The following BRSK2 variants were observed in gnomAD, a reference collection of about 807,000 sequenced individuals.
BRSK2 encodes the protein BR serine/threonine kinase 2, also known as serine/threonine-protein kinase BRSK2.
In BRSK2, 19 loss-of-function variants were observed where a neutral mutation model predicts 83.3. The ratio of observed to expected loss-of-function variants is 0.23; its 90% CI spans 0.16 to 0.33. The LOEUF (loss-of-function observed/expected upper bound fraction) is 0.33. Among genes scored for constraint, BRSK2 ranks in the 10% least tolerant of loss-of-function variants. The probability of loss-of-function intolerance (pLI) is 1.00; values close to 1 mark genes in which losing one functional copy is unlikely to be tolerated. For synonymous variants in BRSK2, 519 were observed against 435.4 expected (o/e 1.19, Z -2.39); for missense variants, 798 against 1,042.3 (o/e 0.77, Z 3.23).
intron 4 of BRSK2, 80 bp from the exon 5 acceptor site, chr11:1,442,410 T>C (rs1485674264): frequency 6.4e-6 from 7 of 1,087,478 alleles, no homozygotes; most frequent in Non-Finnish European, 9.8e-6. Context: ...GGCAGTGGGC[T>C]CTGGGCAGGG....
chr11:1,458,885 CCACCCA>C (rs1847008067), intron 18 of BRSK2, among the ~76,000 whole-genome samples: 1 of 152,174 alleles, frequency 6.6e-6, no homozygotes, highest in African/African-American at 2.4e-5. Flanking sequence ...GGGGCTAGGC[CCACCCA>C]GGGCACCGGC....
chr11:1,458,989 A>G (rs1378343031), intron 18 of BRSK2, among the ~76,000 whole-genome samples: 1 of 151,064 alleles, frequency 6.6e-6, no homozygotes, highest in Non-Finnish European at 1.5e-5. Context: ...GCCCCGCCTC[A>G]CTCCAGGCCC....
chr11:1,445,958 C>A (rs372891764), intron 12 of BRSK2, 51 bp downstream of exon 12: 3 of 1,544,736 alleles, frequency 1.9e-6, no homozygotes, highest in African/African-American at 2.7e-5. Flanking sequence ...CCTGGCTGCG[C>A]GGCACTGCCG....
chr11:1,411,512 C>T, intron 1 of BRSK2: 2 of 1,505,122 alleles, frequency 1.3e-6, no homozygotes, highest in Non-Finnish European at 1.8e-6. Context: ...CAGCGGTGGG[C>T]AGGGGAGGGG....
chr11:1,407,135 G>A (rs577148378), intron 1 of BRSK2, among the ~76,000 whole-genome samples: 48 of 152,292 alleles, frequency 3.2e-4, no homozygotes, highest in African/African-American at 9.4e-4. Context: ...GGTGCAGAGC[G>A]GAGGGAGCTG....
At chr11:1,411,678 AGT>A (rs1847522547) in intron 1 of BRSK2, 3 of 1,532,386 alleles carry the variant, frequency 2.0e-6, no homozygotes, top group Non-Finnish European at 2.6e-6. Context: ...TCGAGGGAGG[AGT>A]GTGTTCATGT....
At chr11:1,459,451 A>G (rs962786111) in intron 19 of BRSK2, 11 of 598,300 alleles carry the variant, frequency 1.8e-5, no homozygotes, top group Non-Finnish European at 3.3e-5. Flanking sequence ...GTTCCTGGCC[A>G]GACTCACCTC....
chr11:1,421,077 C>A (rs1347672179), intron 1 of BRSK2, among the ~76,000 whole-genome samples: 9 of 152,198 alleles, frequency 5.9e-5, no homozygotes, highest in Non-Finnish European at 1.0e-4. Context: ...GGATTCAGAT[C>A]TTTGGGCTGC....
chr11:1,425,162 C>T (rs891847483), intron 1 of BRSK2, among the ~76,000 whole-genome samples: 10 of 152,248 alleles, frequency 6.6e-5, no homozygotes, highest in Non-Finnish European at 1.5e-5. Flanking sequence ...CCGGCGCTCT[C>T]AGCACTTGGA....
In BRSK2 at chr11:1,449,229, G is replaced by A. The variant is rs745947507; in HGVS notation, c.1227-547G>A. ...GGCAGTGGTGGGACAAGGCCCCACC[G>A]TCCCTGCCAGCAGCTGCCCCAGCCT... On this transcript the variant is annotated intron_variant, in intron 12 of 19. Transcript: ENST00000528841. 3.9e-5 allele frequency among the ~76,000 whole-genome samples: 6 copies of A among 152,302 alleles called. No homozygotes were observed. In the East Asian group the frequency reaches 9.7e-4, roughly 25 times the overall value.
intron 1 of BRSK2, among the ~76,000 whole-genome samples, chr11:1,427,953 C>T (rs1391985662): frequency 6.6e-6 from 1 of 152,206 alleles, no homozygotes; most frequent in East Asian, 1.9e-4. Context: ...TACCAGGACG[C>T]AGAGGCCTGC....
intron 1 of BRSK2, among the ~76,000 whole-genome samples, chr11:1,394,092 C>G (rs1845905311): frequency 8.0e-6 from 1 of 124,228 alleles, no homozygotes; most frequent in Non-Finnish European, 1.6e-5. Context: ...GAGATGGGTC[C>G]CTGGAGATGG....
chr11:1,425,788 G>A (rs1481036858), intron 1 of BRSK2, among the ~76,000 whole-genome samples: 11 of 152,186 alleles, frequency 7.2e-5, no homozygotes, highest in Admixed American at 7.2e-4. Flanking sequence ...GCAGGCACCC[G>A]ACAGGGTCCC....
intron 1 of BRSK2, among the ~76,000 whole-genome samples, chr11:1,398,363 A>T (rs1846254093): frequency 1.3e-5 from 2 of 152,040 alleles, no homozygotes; most frequent in Non-Finnish European, 2.9e-5. Context: ...GGCGGGGGTG[A>T]CGTTGCTGCC....
chr11:1,444,359 G>A (rs1408343698), intron 8 of BRSK2, among the ~76,000 whole-genome samples: 1 of 152,154 alleles, frequency 6.6e-6, no homozygotes, highest in South Asian at 2.1e-4. Context: ...ACTCTGGGCT[G>A]ACCCTTCCAG....
intron 12 of BRSK2, among the ~76,000 whole-genome samples, chr11:1,448,624 C>T (rs1174039618): frequency 1.3e-5 from 2 of 152,172 alleles, no homozygotes; most frequent in African/African-American, 4.8e-5. Context: ...ACCACAGGTC[C>T]AGGGCCTCAC....
intron 1 of BRSK2, among the ~76,000 whole-genome samples, chr11:1,393,728 G>C (rs1255808953): frequency 6.6e-6 from 1 of 152,206 alleles, no homozygotes; most frequent in Non-Finnish European, 1.5e-5. Flanking sequence ...GTGCCTGGGA[G>C]ACCCTGGGGG....
At position 1,454,730 on chromosome 11, in the gene BRSK2, C is replaced by T; in HGVS notation, c.1668+122C>T. Reference sequence around the variant, plus strand: ...CACGCGCACAGCACGGACGTCCGCTCACCCGTGGGCCTGCCTGGCCGCCTT... The same window carrying T: ...CACGCGCACAGCACGGACGTCCGCTTACCCGTGGGCCTGCCTGGCCGCCTT... On this transcript the variant is annotated intron_variant, in intron 16 of 19. Transcript: ENST00000528841. The surrounding 1 kb of genome is among the most constrained non-coding windows in gnomAD (Gnocchi z 5.2). The T allele has an allele frequency of 7.7e-7, 1 of 1,305,746 alleles. No homozygotes were observed. The highest frequency in any genetic ancestry group is 1.0e-6 in the Non-Finnish European group (1 of 959,042). 80.9% of individuals were successfully genotyped at this position (1,305,746 alleles called of 1,614,324 possible). A position where few individuals can be genotyped will look rare whatever the true frequency, so the allele number is the denominator to read the frequency against.
At chr11:1,446,234 A>G (rs1314223743) in intron 12 of BRSK2, among the ~76,000 whole-genome samples, 1 of 101,736 alleles carries the variant, frequency 9.8e-6, no homozygotes, top group Non-Finnish European at 1.8e-5. Context: ...GCTGGGCTGT[A>G]CTGGACTGCG....
Sources: gnomAD v4.1 joint callset for allele counts (sites outside exome capture counted in the v4.1 genomes callset) on GRCh38, gnomAD v4.1.1 for gene constraint, Gnocchi (gnomAD v3.1) non-coding constraint, MANE v1.5 for transcripts, NCBI Gene and HGNC (gene_info 2026-07-23, HGNC 2026-07-21) for gene names.